Variants in MYCBP2 observed in about 807,000 individuals in gnomAD.
The protein encoded by MYCBP2 is MYC binding protein 2, also known as E3 ubiquitin-protein ligase MYCBP2.
MYCBP2 carries 120 observed loss-of-function variants against 525.3 expected under a neutral mutation model. The observed-to-expected ratio is 0.23, with a 90% confidence interval of 0.20 to 0.27. The LOEUF is 0.27. Among genes scored for constraint, MYCBP2 ranks in the 10% least tolerant of loss-of-function variants. The probability of loss-of-function intolerance (pLI) is 1.00; values close to 1 mark genes in which losing one functional copy is unlikely to be tolerated. For missense variants in MYCBP2, 4,149 were observed against 5,657.1 expected (o/e 0.73, Z 8.55); for synonymous variants, 1,894 against 1,955.8 (o/e 0.97, Z 0.83).
intron 8 of MYCBP2, among the ~76,000 whole-genome samples, chr13:77,267,318 A>C (rs2074238096): frequency 6.6e-6 from 1 of 151,804 alleles, no homozygotes; most frequent in Non-Finnish European, 1.5e-5. Flanking sequence ...GAAGCATAAG[A>C]AGCATAAATG....
intron 56 of MYCBP2, among the ~76,000 whole-genome samples, chr13:77,096,685 TGA>T (rs2046305953): frequency 2.0e-5 from 3 of 152,052 alleles, no homozygotes; most frequent in Admixed American, 6.6e-5. Context: ...GCCCCAAATA[TGA>T]GAGATACTTA....
At chr13:77,325,227 T>C (rs1312383270) in intron 1 of MYCBP2, among the ~76,000 whole-genome samples, 3 of 152,238 alleles carry the variant, frequency 2.0e-5, no homozygotes, top group African/African-American at 7.2e-5. Context: ...GCCTCGTCCC[T>C]TTCATAATGG....
chr13:77,309,248 CT>C (rs1313017807), intron 1 of MYCBP2, among the ~76,000 whole-genome samples: 4 of 152,188 alleles, frequency 2.6e-5, no homozygotes, highest in African/African-American at 9.7e-5. Context: ...ATTATAATTT[CT>C]TATTGCCAAC....
intron 16 of MYCBP2, 27 bp downstream of exon 16, chr13:77,243,779 T>C (rs368842824): frequency 3.6e-5 from 58 of 1,606,930 alleles, no homozygotes; most frequent in Non-Finnish European, 4.6e-5. Flanking sequence ...CAACTCAGTG[T>C]AGCATAGTAT....
chr13:77,227,808 A>G (rs897601423), intron 18 of MYCBP2, among the ~76,000 whole-genome samples: 1 of 152,216 alleles, frequency 6.6e-6, no homozygotes, highest in Non-Finnish European at 1.5e-5. Context: ...ATAGAGACAT[A>G]GCATCAAGGA....
chr13:77,292,413 A>C (rs1319177117), intron 2 of MYCBP2, among the ~76,000 whole-genome samples: 1 of 152,152 alleles, frequency 6.6e-6, no homozygotes. Context: ...CTGAACACAC[A>C]CACATACACA....
intron 4 of MYCBP2, 103 bp from the exon 5 acceptor site, chr13:77,273,771 G>GA: frequency 1.1e-6 from 1 of 880,864 alleles, no homozygotes; most frequent in Non-Finnish European, 1.6e-6. Flanking sequence ...GAAATTTAAG[G>GA]AATCTAGAAC....
intron 14 of MYCBP2, among the ~76,000 whole-genome samples, chr13:77,256,459 T>G (rs2072212523): frequency 6.6e-6 from 1 of 152,080 alleles, no homozygotes; most frequent in African/African-American, 2.4e-5. Context: ...GTTTTTCCAG[T>G]GATATTTTAT....
At chr13:77,203,552 G>T (rs1186207513) in intron 26 of MYCBP2, among the ~76,000 whole-genome samples, 1 of 151,934 alleles carries the variant, frequency 6.6e-6, no homozygotes. Context: ...CTACTTTAAA[G>T]TTCATATGGA....
intron 70 of MYCBP2, 116 bp downstream of exon 70, chr13:77,068,449 A>T (rs1427677586): frequency 3.1e-6 from 4 of 1,291,788 alleles, no homozygotes; most frequent in South Asian, 1.6e-5. Flanking sequence ...AAAATATAAC[A>T]AAATACGAAA....
chr13:77,281,663 T>A (rs930358706), intron 3 of MYCBP2, among the ~76,000 whole-genome samples: 2 of 152,182 alleles, frequency 1.3e-5, no homozygotes, highest in Non-Finnish European at 2.9e-5. Context: ...CAGTCTAATA[T>A]GCTAGGAAAG....
intron 3 of MYCBP2, 95 bp from the exon 4 acceptor site, chr13:77,279,006 T>C (rs2075913325): frequency 2.6e-6 from 2 of 776,548 alleles, no homozygotes; most frequent in Non-Finnish European, 3.7e-6. Flanking sequence ...CCACAGCAAA[T>C]GATAATGTAT....
At chr13:77,157,700 A>G (rs1488901364) in intron 45 of MYCBP2, among the ~76,000 whole-genome samples, 1 of 152,026 alleles carries the variant, frequency 6.6e-6, no homozygotes, top group African/African-American at 2.4e-5. Context: ...CAGTGAGCTG[A>G]GATCATGCCA....
chr13:77,288,337 T>C lies in MYCBP2; in HGVS notation c.418A>G (p.Lys140Glu), dbSNP rs779949257. 12 of 1,614,110 alleles carry C rather than the reference T, an allele frequency of 7.4e-6. No homozygotes were observed. Among genetic ancestry groups the C allele is most frequent in the Non-Finnish European group, 1.0e-5 (12 of 1,179,918 alleles). ...LENTVIIPDI[K>E]LHSNPSAFNI... is the part of the protein sequence containing the mutation. ...AAAGCAGAAGGATTGCTATGTAGTT[T>C]GATATCTGGTATGATTACTGTATTC... The change falls in exon 3 of 83, where the codon AAA (lysine) becomes GAA (glutamate). Residue 140 changes from lysine to glutamate, a missense_variant. Physicochemically the swap from Lys to Glu is moderately conservative, Grantham distance 56. Transcript: ENST00000544440.
intron 26 of MYCBP2, among the ~76,000 whole-genome samples, chr13:77,201,636 C>G (rs1349608576): frequency 1.7e-4 from 26 of 150,422 alleles, no homozygotes; most frequent in South Asian, 4.3e-4. Flanking sequence ...TGACCACATA[C>G]TTGGAAGTAA....
chr13:77,133,611 A>G (rs1018586910), intron 52 of MYCBP2, among the ~76,000 whole-genome samples: 3 of 152,174 alleles, frequency 2.0e-5, no homozygotes, highest in African/African-American at 4.8e-5. Context: ...AGCCTTCTCT[A>G]CTTCTACAGA....
At chr13:77,270,106 T>A (rs985582541) in intron 6 of MYCBP2, 43 bp from the exon 7 acceptor site, 8 of 1,535,264 alleles carry the variant, frequency 5.2e-6, no homozygotes, top group Non-Finnish European at 7.1e-6. Flanking sequence ...GTTTCATAAT[T>A]AATAATCAAT....
rs141498635 is a variant in MYCBP2 at position 77,306,782 on chromosome 13, A to C, written c.303-10108T>G. On this transcript the variant is annotated intron_variant, in intron 1 of 82. Coordinates refer to ENST00000544440, the MANE Select transcript of MYCBP2 (RefSeq NM_015057.5). ...AACAACAAGAGGAATGAGAGCAAGC[A>C]AATAACTAAGAACACAGAGATACAA... is the stretch of plus-strand genomic sequence containing the variant. Among the ~76,000 whole-genome samples the C allele has an allele frequency of 1.0e-3, 155 of 152,306 alleles. 1 individual carries two copies. The highest frequency in any genetic ancestry group is 3.4e-3 in the Middle Eastern group (1 of 294).
At chr13:77,261,830 A>G (rs1275659598) in intron 11 of MYCBP2, among the ~76,000 whole-genome samples, 1 of 152,128 alleles carries the variant, frequency 6.6e-6, no homozygotes, top group East Asian at 1.9e-4. Context: ...TTGTAAAAAG[A>G]GCAATTATTT....
Sources: gnomAD v4.1 joint callset for allele counts (sites outside exome capture counted in the v4.1 genomes callset) on GRCh38, gnomAD v4.1.1 for gene constraint, MANE v1.5 for transcripts, NCBI Gene and HGNC (gene_info 2026-07-23, HGNC 2026-07-21) for gene names.